Variants in UNC13C observed in about 807,000 individuals in gnomAD.
The protein encoded by UNC13C is unc-13 homolog C, also known as protein unc-13 homolog C.
UNC13C carries 174 observed loss-of-function variants against 245.4 expected under a neutral mutation model. The observed-to-expected ratio is 0.71, with a 90% CI of 0.63 to 0.80. UNC13C has a LOEUF of 0.80. UNC13C is among the 30% of genes least tolerant of loss of function. The pLI, the probability that UNC13C is intolerant of heterozygous loss-of-function variation, is 0.00. For missense variants in UNC13C, 2,829 were observed against 2,602.9 expected (o/e 1.09, Z -1.89); for synonymous variants, 992 against 895.1 (o/e 1.11, Z -1.93).
intron 2 of UNC13C, among the ~76,000 whole-genome samples, chr15:54,036,419 G>A (rs1008204624): frequency 6.6e-6 from 1 of 152,138 alleles, no homozygotes; most frequent in Non-Finnish European, 1.5e-5. Flanking sequence ...AGAAACTGAG[G>A]CCCAGAAATG....
rs146586065 is a variant in UNC13C, at chr15:54,485,581, A to G, written c.4934-9027A>G. On this transcript the variant is annotated intron_variant, in intron 19 of 32. Transcript: ENST00000260323. ...TGTTCACCAGATAGCAACCGAAGTC[A>G]TGTTTTACAGATGTAAATCAGACCA... Among the ~76,000 whole-genome samples, 950 of 152,334 alleles carry G rather than the reference A, an allele frequency of 6.2e-3. 5 individuals carry two copies. The highest frequency in any genetic ancestry group is 0.01 in the Middle Eastern group (3 of 294).
intron 10 of UNC13C, among the ~76,000 whole-genome samples, chr15:54,286,246 G>A (rs2037146743): frequency 6.6e-6 from 1 of 152,054 alleles, no homozygotes. Flanking sequence ...AATATTACAG[G>A]ATCTTTTTAC....
At chr15:54,033,224 TA>T (rs534003594) in intron 2 of UNC13C, among the ~76,000 whole-genome samples, 41 of 151,038 alleles carry the variant, frequency 2.7e-4, no homozygotes, top group South Asian at 4.2e-4. Flanking sequence ...CCTTAGTTTA[TA>T]AAAAAAAAGA....
At chr15:53,939,521 A>G in the UNC13C span, among the ~76,000 whole-genome samples, 3 of 152,202 alleles carry the variant, frequency 2.0e-5, no homozygotes, top group Non-Finnish European at 4.4e-5. Flanking sequence ...AAAACCTGGC[A>G]GAGATACAAC....
intron 16 of UNC13C, among the ~76,000 whole-genome samples, chr15:54,335,296 C>T (rs1280470730): frequency 6.6e-6 from 1 of 152,054 alleles, no homozygotes; most frequent in East Asian, 1.9e-4. Context: ...AGCTACTACC[C>T]CAGTTCATTT....
chr15:54,449,258 G>C (rs1159175202), intron 19 of UNC13C, among the ~76,000 whole-genome samples: 1 of 152,080 alleles, frequency 6.6e-6, no homozygotes, highest in Non-Finnish European at 1.5e-5. Context: ...GTGTCTTGGA[G>C]TTGCTCTTCT....
chr15:53,970,268 C>T, the UNC13C span, among the ~76,000 whole-genome samples: 1 of 152,136 alleles, frequency 6.6e-6, no homozygotes, highest in African/African-American at 2.4e-5. Flanking sequence ...AGGGTTTTAC[C>T]ATGTTGGTTA....
Position 54,235,108 on chromosome 15 carries a change from G to A in UNC13C, c.3150G>A (p.Val1050=). 6.2e-7 allele frequency: 1 copy of A among 1,613,602 alleles called. No homozygotes were observed. Among genetic ancestry groups the A allele is most frequent in the Non-Finnish European group, 8.5e-7 (1 of 1,179,612 alleles). ...AAACTTTGCCTATTGTCCGAGATGT[G>A]GTAAGTTACAACTGTTTAATTCTCT... The part of the protein sequence containing the change: ...RKKTLPIVRD[V]AMTLAARKSG... The change falls in exon 5 of 33, where the codon GTG becomes GTA. Residue 1050 remains valine, a splice_region_variant and synonymous_variant. Transcript: ENST00000260323.
chr15:53,857,086 G>A, the UNC13C span, among the ~76,000 whole-genome samples: 51 of 152,048 alleles, frequency 3.4e-4, no homozygotes, highest in African/African-American at 1.2e-3. Flanking sequence ...GTGAACCACC[G>A]TGCCCGGCCC....
the UNC13C span, among the ~76,000 whole-genome samples, chr15:53,916,818 T>C: frequency 6.6e-6 from 1 of 152,182 alleles, no homozygotes; most frequent in Non-Finnish European, 1.5e-5. Context: ...AAAGAAACTA[T>C]GTATTCCCGG....
rs1350854720 is a variant in UNC13C at position 54,406,852 on chromosome 15, G to T, written c.4848-8130G>T. On this transcript the variant is annotated intron_variant, in intron 18 of 32. Coordinates refer to ENST00000260323, the MANE Select transcript of UNC13C (RefSeq NM_001080534.3). ...ACACTTAAAGGGAGGTGATACTTGA[G>T]CTGTGCTTTCCAGGGAGAGAGAGAG... Among the ~76,000 whole-genome samples, 4 of 152,136 alleles carry T rather than the reference G, an allele frequency of 2.6e-5. No homozygotes were observed. The South Asian group carries it at 8.3e-4, about 32-fold the overall frequency.
intron 4 of UNC13C, among the ~76,000 whole-genome samples, chr15:54,185,238 G>T (rs1445395028): frequency 6.6e-6 from 1 of 151,954 alleles, no homozygotes; most frequent in African/African-American, 2.4e-5. Flanking sequence ...CACTCTGATG[G>T]TGGTTTCTTT....
chr15:54,050,217 C>G (rs1478099038), intron 2 of UNC13C: 1 of 526,352 alleles, frequency 1.9e-6, no homozygotes, highest in South Asian at 1.4e-5. Context: ...GGTGATCCAC[C>G]CACCTCAGCC....
chr15:54,109,496 C>T (rs78169576), intron 2 of UNC13C, among the ~76,000 whole-genome samples: 2 of 151,472 alleles, frequency 1.3e-5, no homozygotes, highest in Non-Finnish European at 1.5e-5. Flanking sequence ...CATGCACCAC[C>T]ACGCCCAGCT....
At chr15:54,570,343 G>C (rs1293751682) in intron 30 of UNC13C, among the ~76,000 whole-genome samples, 5 of 152,132 alleles carry the variant, frequency 3.3e-5, no homozygotes. Flanking sequence ...GTTCACTTGA[G>C]CCATACAAAA....
chr15:54,378,296 C>T (rs2140894671), intron 17 of UNC13C, among the ~76,000 whole-genome samples: 1 of 152,220 alleles, frequency 6.6e-6, no homozygotes, highest in Middle Eastern at 3.4e-3. Context: ...TTGTTCTAAG[C>T]ACTACCAGTG....
chr15:54,345,980 G>A (rs1476956398), intron 17 of UNC13C, among the ~76,000 whole-genome samples: 1 of 152,148 alleles, frequency 6.6e-6, no homozygotes, highest in Non-Finnish European at 1.5e-5. Context: ...CCGCAGCTCA[G>A]CTAACTTTTT....
intron 4 of UNC13C, among the ~76,000 whole-genome samples, chr15:54,177,729 G>T (rs1054564105): frequency 3.3e-5 from 5 of 151,952 alleles, no homozygotes; most frequent in Admixed American, 3.3e-4. Context: ...TCAGTCTCCT[G>T]TTGTTATATA....
chr15:54,085,768 G>A (rs912087925), intron 2 of UNC13C, among the ~76,000 whole-genome samples: 17 of 152,146 alleles, frequency 1.1e-4, no homozygotes, highest in Middle Eastern at 6.8e-3. Flanking sequence ...GACAAGGGTC[G>A]GGGTGCTGGC....
Sources: gnomAD v4.1 joint callset for allele counts (sites outside exome capture counted in the v4.1 genomes callset) on GRCh38, gnomAD v4.1.1 for gene constraint, MANE v1.5 for transcripts, NCBI Gene and HGNC (gene_info 2026-07-23, HGNC 2026-07-21) for gene names.